SWT1: variants seen among roughly 807,000 people sequenced by gnomAD.
SWT1 encodes the protein SWT1 RNA endoribonuclease homolog.
SWT1 carries 33 observed loss-of-function variants against 107.3 expected under a neutral mutation model. The ratio of observed to expected loss-of-function variants is 0.31; its 90% CI spans 0.23 to 0.41. The LOEUF (loss-of-function observed/expected upper bound fraction) is 0.41. Ranked by LOEUF, SWT1 falls within the 10% of genes least tolerant of loss-of-function variation. SWT1 has a pLI of 1.00. For synonymous variants in SWT1, 345 were observed against 348.3 expected (o/e 0.99, Z 0.11); for missense variants, 898 against 1,028.9 (o/e 0.87, Z 1.74).
intron 11 of SWT1, 126 bp from the exon 12 acceptor site, chr1:185,204,570 ATATT>A (rs1462308854): frequency 4.8e-6 from 2 of 413,642 alleles, no homozygotes; most frequent in South Asian, 9.8e-5. Flanking sequence ...TGAAAATAAA[ATATT>A]TGTTTGTTTT....
chr1:185,167,498 T>G (rs558752841), intron 3 of SWT1, among the ~76,000 whole-genome samples: 81 of 152,228 alleles, frequency 5.3e-4, no homozygotes, highest in Non-Finnish European at 1.0e-3. Context: ...AATTATGTTT[T>G]AAGAATTTAC....
chr1:185,257,156 G>C, intron 16 of SWT1, among the ~76,000 whole-genome samples: 1 of 152,136 alleles, frequency 6.6e-6, no homozygotes. Context: ...CTCCAGCTGT[G>C]TGCTGGGAGA....
chr1:185,257,448 G>C (rs1219112424), intron 16 of SWT1, among the ~76,000 whole-genome samples: 1 of 152,142 alleles, frequency 6.6e-6, no homozygotes, highest in Non-Finnish European at 1.5e-5. Context: ...GTGGGCGTAG[G>C]ACCCTCCGAG....
intron 10 of SWT1, among the ~76,000 whole-genome samples, chr1:185,191,386 T>G (rs1459937118): frequency 6.6e-5 from 10 of 151,468 alleles, no homozygotes; most frequent in Non-Finnish European, 1.2e-4. Flanking sequence ...TAATTTGCAG[T>G]TTTTTTTTAA....
chr1:185,286,512 C>T (rs1664959212), intron 18 of SWT1, among the ~76,000 whole-genome samples: 1 of 152,128 alleles, frequency 6.6e-6, no homozygotes, highest in African/African-American at 2.4e-5. Flanking sequence ...GCATGAGCCA[C>T]CGCATATGGG....
intron 16 of SWT1, among the ~76,000 whole-genome samples, chr1:185,234,591 G>T (rs891160659): frequency 6.6e-6 from 1 of 151,986 alleles, no homozygotes; most frequent in Non-Finnish European, 1.5e-5. Flanking sequence ...CTTTTAATTG[G>T]GTCATTTAGC....
chr1:185,255,309 A>G (rs908444203), intron 16 of SWT1, among the ~76,000 whole-genome samples: 56 of 148,462 alleles, frequency 3.8e-4, no homozygotes, highest in Non-Finnish European at 1.3e-4. Context: ...CTTGGTGCAG[A>G]GCTGAGTTCA....
intron 10 of SWT1, among the ~76,000 whole-genome samples, chr1:185,201,917 G>A (rs1657913418): frequency 6.6e-6 from 1 of 152,018 alleles, no homozygotes. Flanking sequence ...ACATTCTGTT[G>A]CTTTCTAGTG....
In SWT1 at chr1:185,223,937, A is replaced by G. The variant is rs191698475; in HGVS notation, c.2309+1901A>G. ...TTCCTGCATTAGTTTGCTAAGGATA[A>G]TGCCCTGTATACACCATGAAGTATT... is the stretch of plus-strand genomic sequence containing the variant. On this transcript the variant is annotated intron_variant, in intron 15 of 18. Transcript: ENST00000367500. Among the ~76,000 whole-genome samples the G allele has an allele frequency of 2.2e-4, 33 of 152,298 alleles. No individual in the cohort carries two copies. In the East Asian group the frequency reaches 5.0e-3, roughly 23 times the overall value.
intron 16 of SWT1, among the ~76,000 whole-genome samples, chr1:185,234,047 T>C (rs1006803019): frequency 2.0e-5 from 3 of 152,130 alleles, no homozygotes; most frequent in African/African-American, 7.2e-5. Context: ...CCCGGCCTAA[T>C]TTTAAAATAA....
rs1553250554 is a variant in SWT1 at position 185,168,332 on chromosome 1, T to TTTAA, written c.166-8_166-7insTTAA. On this transcript the variant is annotated splice_polypyrimidine_tract_variant and splice_region_variant and intron_variant, in intron 3 of 18. Coordinates refer to ENST00000367500, the MANE Select transcript of SWT1 (RefSeq NM_017673.7). ...ACAATTTATGTGTCCTTTTTTTATT[T>TTTAA]ATTTCAGAAATCAGATCATACAGAT... The TTTAA allele has an allele frequency of 2.4e-6, 3 of 1,263,822 alleles. No individual in the cohort carries two copies. Among genetic ancestry groups the TTTAA allele is most frequent in the Non-Finnish European group, 2.1e-6 (2 of 937,536 alleles). 78.3% of individuals were successfully genotyped at this position (1,263,822 alleles called of 1,614,324 possible).
chr1:185,265,393 A>C (rs747462321), intron 16 of SWT1, among the ~76,000 whole-genome samples: 1 of 152,228 alleles, frequency 6.6e-6, no homozygotes, highest in Non-Finnish European at 1.5e-5. Context: ...ACTTGTAATA[A>C]ATAATCCCCC....
chr1:185,170,961 A>G (rs1655002080), intron 4 of SWT1, among the ~76,000 whole-genome samples: 1 of 152,174 alleles, frequency 6.6e-6, no homozygotes, highest in Non-Finnish European at 1.5e-5. Context: ...TAATGAGAGA[A>G]GCCCACTTGT....
chr1:185,228,269 C>T (rs1045001144), intron 15 of SWT1, among the ~76,000 whole-genome samples: 2 of 150,096 alleles, frequency 1.3e-5, no homozygotes, highest in Middle Eastern at 3.4e-3. Context: ...GCCCATAATC[C>T]GAGCACTTTG....
intron 3 of SWT1, 32 bp from the exon 4 acceptor site, chr1:185,168,308 C>T: frequency 7.8e-7 from 1 of 1,274,154 alleles, no homozygotes; most frequent in South Asian, 1.5e-5. Context: ...TACCAGTGCA[C>T]AATTTATGTG....
intron 16 of SWT1, among the ~76,000 whole-genome samples, chr1:185,266,230 AT>A (rs58784373): frequency 0.23 from 35,188 of 151,688 alleles, 4,504 homozygotes; most frequent in Non-Finnish European, 0.3. Context: ...CGCCCAGCTA[AT>A]TTTTTTGTAT....
At position 185,184,274 on chromosome 1, in the gene SWT1, T is replaced by G; in HGVS notation, c.1170T>G (p.Ile390Met). ...ATACTTCAGACAGAAAGCTTCTAAT[T>G]GTTATTGACACAAATATTCTGATGA... ...ANNTSDRKLL[I>M]VIDTNILMNH... Residue 390 changes from isoleucine (I) to methionine (M), a missense_variant, in exon 8 of 19, where the codon ATT becomes ATG. Coordinates refer to ENST00000367500, the MANE Select transcript of SWT1 (RefSeq NM_017673.7). The G allele has an allele frequency of 6.4e-7, 1 of 1,569,304 alleles. No individual in the cohort carries two copies. Among genetic ancestry groups the G allele is most frequent in the Non-Finnish European group, 8.7e-7 (1 of 1,153,384 alleles).
At chr1:185,213,064 T>A (rs1337585966) in intron 13 of SWT1, among the ~76,000 whole-genome samples, 1 of 152,196 alleles carries the variant, frequency 6.6e-6, no homozygotes, top group Admixed American at 6.5e-5. Flanking sequence ...TTCATTCATG[T>A]AGATTTCTTT....
intron 9 of SWT1, among the ~76,000 whole-genome samples, chr1:185,186,311 C>G (rs1656459606): frequency 6.6e-6 from 1 of 152,062 alleles, no homozygotes; most frequent in Non-Finnish European, 1.5e-5. Flanking sequence ...TAGGAAGATT[C>G]ACAGCACTGC....
Sources: allele counts gnomAD v4.1 joint callset (sites outside exome capture counted in the v4.1 genomes callset), GRCh38; gene constraint gnomAD v4.1.1; transcripts MANE v1.5; gene names NCBI Gene and HGNC (gene_info 2026-07-23, HGNC 2026-07-21).